Variants in MID1 observed in about 807,000 individuals in gnomAD.
The protein encoded by MID1 is midline 1, also known as E3 ubiquitin-protein ligase Midline-1.
A neutral mutation model predicts 40.4 loss-of-function variants in MID1; 7 were observed. That is an observed-to-expected ratio of 0.17 (90% CI 0.10 to 0.33). The LOEUF (loss-of-function observed/expected upper bound fraction) is 0.33, where lower values mean the gene tolerates loss of function less well. MID1 is among the 10% of genes least tolerant of loss of function. MID1 has a pLI of 1.00. For synonymous variants in MID1, 229 were observed against 221.2 expected, an observed-to-expected ratio of 1.04 and a Z score of -0.31; for missense variants, 367 against 558.5, an observed-to-expected ratio of 0.66 and a Z score of 3.46.
intron 1 of MID1, among the ~76,000 whole-genome samples, chrX:10,695,483 C>T (rs1432666237): frequency 9.0e-6 from 1 of 111,703 alleles, no homozygotes; most frequent in Non-Finnish European, 1.9e-5. Flanking sequence ...CTATTGAATG[C>T]CCATCTTCCA....
chrX:10,823,446 G>T (rs1463514022), intron 1 of MID1, among the ~76,000 whole-genome samples: 1 of 110,747 alleles, frequency 9.0e-6, no homozygotes. Flanking sequence ...TAACAAATCT[G>T]CACATCCTGC....
At chrX:10,810,932 T>C (rs2044095091) in intron 1 of MID1, among the ~76,000 whole-genome samples, 1 of 111,013 alleles carries the variant, frequency 9.0e-6, no homozygotes, top group South Asian at 3.8e-4. Context: ...CTCTGTATGA[T>C]GCCCCTCTCT....
intron 1 of MID1, among the ~76,000 whole-genome samples, chrX:10,655,884 A>C (rs1271311761): frequency 9.0e-6 from 1 of 110,696 alleles, no homozygotes; most frequent in East Asian, 2.9e-4. Flanking sequence ...CCCTCTCATC[A>C]CCTGCCAGCT....
chrX:10,761,621 C>T (rs1186449863), intron 1 of MID1, among the ~76,000 whole-genome samples: 1 of 112,240 alleles, frequency 8.9e-6, no homozygotes, highest in Non-Finnish European at 1.9e-5. Context: ...TTCAAATTTG[C>T]TATTGCCATA....
At chrX:10,778,653 T>C (rs1172024924) in intron 1 of MID1, among the ~76,000 whole-genome samples, 1 of 112,163 alleles carries the variant, frequency 8.9e-6, no homozygotes, top group African/African-American at 3.2e-5. Context: ...AGAGATATGA[T>C]GACAGAAGCA....
intron 1 of MID1, among the ~76,000 whole-genome samples, chrX:10,793,628 A>G (rs992246154): frequency 1.8e-5 from 2 of 111,825 alleles, no homozygotes; most frequent in African/African-American, 6.5e-5. Context: ...TAAAAAACCA[A>G]GCTCCTAACC....
intron 1 of MID1, among the ~76,000 whole-genome samples, chrX:10,809,850 G>A (rs985602651): frequency 1.8e-5 from 2 of 110,361 alleles, no homozygotes; most frequent in Non-Finnish European, 1.9e-5. Context: ...CACCAACATG[G>A]CACATGTATA....
At chrX:10,460,400 T>C (rs1278906300) in intron 7 of MID1, among the ~76,000 whole-genome samples, 1 of 111,493 alleles carries the variant, frequency 9.0e-6, no homozygotes, top group African/African-American at 3.3e-5. Context: ...GGAGTGGGGC[T>C]GTTGCTCTGG....
chrX:10,706,452 C>G (rs2043232100), intron 1 of MID1, among the ~76,000 whole-genome samples: 1 of 110,878 alleles, frequency 9.0e-6, no homozygotes, highest in South Asian at 3.9e-4. Context: ...GAAACTGAAT[C>G]ATGGGGGTAG....
At chrX:10,769,500 A>G (rs2043751510) in intron 1 of MID1, among the ~76,000 whole-genome samples, 1 of 111,933 alleles carries the variant, frequency 8.9e-6, no homozygotes, top group Admixed American at 9.5e-5. Flanking sequence ...AAACACAGAG[A>G]TGGCAAAGCT....
chrX:10,636,784 G>A (rs868377224), intron 1 of MID1, among the ~76,000 whole-genome samples: 4 of 12,157 alleles, frequency 3.3e-4, no homozygotes, highest in Non-Finnish European at 5.3e-4. Flanking sequence ...CCAACAATGG[G>A]GATATATATA....
At chrX:10,715,365 A>G (rs1247125661) in intron 1 of MID1, among the ~76,000 whole-genome samples, 1 of 112,033 alleles carries the variant, frequency 8.9e-6, no homozygotes, top group African/African-American at 3.2e-5. Context: ...TGCTTTTCCA[A>G]TGGTCTTAGC....
intron 1 of MID1, among the ~76,000 whole-genome samples, chrX:10,764,565 T>A (rs754581498): frequency 8.9e-6 from 1 of 112,206 alleles, no homozygotes; most frequent in South Asian, 3.7e-4. Flanking sequence ...ACCTTAGAAT[T>A]TTTTTTAAAG....
intron 2 of MID1, among the ~76,000 whole-genome samples, chrX:10,562,130 A>G (rs1185299536): frequency 9.5e-6 from 1 of 105,421 alleles, no homozygotes; most frequent in Non-Finnish European, 1.9e-5. Context: ...ACAGAAAACC[A>G]AACACCGCAT....
chrX:10,546,111 C>T, intron 2 of MID1, among the ~76,000 whole-genome samples: 1 of 111,951 alleles, frequency 8.9e-6, no homozygotes, highest in Non-Finnish European at 1.9e-5. Flanking sequence ...AGGTTGCCTC[C>T]TTCATCCTGC....
intron 3 of MID1, 85 bp from the exon 4 acceptor site, chrX:10,495,776 T>C (rs1931217909): frequency 3.1e-6 from 2 of 643,510 alleles, no homozygotes; most frequent in Middle Eastern, 3.0e-4. Context: ...AGGATGTTTC[T>C]AGTAATCTCT....
intron 1 of MID1, among the ~76,000 whole-genome samples, chrX:10,606,986 G>C (rs1210874069): frequency 8.9e-6 from 1 of 111,911 alleles, no homozygotes; most frequent in Non-Finnish European, 1.9e-5. Flanking sequence ...TCCCACCTTG[G>C]CCTCCCAAAG....
chrX:10,478,292 T>C (rs1008947374), intron 5 of MID1, among the ~76,000 whole-genome samples: 27 of 112,349 alleles, frequency 2.4e-4, no homozygotes, highest in African/African-American at 8.1e-4. Context: ...CTTGAGAATA[T>C]AGTACATTAT....
intron 4 of MID1, among the ~76,000 whole-genome samples, chrX:10,492,049 C>T (rs1012946407): frequency 8.9e-6 from 1 of 111,738 alleles, no homozygotes; most frequent in African/African-American, 3.3e-5. Flanking sequence ...ATATTTTTCC[C>T]TCCAAAACTG....
Sources: gnomAD v4.1 joint callset for allele counts (sites outside exome capture counted in the v4.1 genomes callset) on GRCh38, gnomAD v4.1.1 for gene constraint, MANE v1.5 for transcripts, NCBI Gene and HGNC (gene_info 2026-07-23, HGNC 2026-07-21) for gene names.